The following RWDD1 variants were observed in gnomAD, a reference collection of about 807,000 sequenced individuals.
The protein encoded by RWDD1 is RWD domain containing 1, also known as RWD domain-containing protein 1.
In RWDD1, 17 loss-of-function variants were observed where a neutral mutation model predicts 31.6. The observed-to-expected ratio is 0.54, with a 90% confidence interval of 0.37 to 0.81. RWDD1 has a LOEUF of 0.81. Ranked by LOEUF, RWDD1 falls within the 30% of genes least tolerant of loss-of-function variation. RWDD1 has a pLI of 0.00. For synonymous variants in RWDD1, 78 were observed against 94.2 expected (o/e 0.83, Z 0.99); for missense variants, 204 against 274.5 (o/e 0.74, Z 1.82).
At chr6:116,581,348 GA>G (rs1212013761) in intron 2 of RWDD1, among the ~76,000 whole-genome samples, 1 of 152,030 alleles carries the variant, frequency 6.6e-6, no homozygotes, top group Non-Finnish European at 1.5e-5. Context: ...ATGGTGTGGT[GA>G]TGCTCATTGA....
intron 1 of RWDD1, 55 bp downstream of exon 1, chr6:116,571,710 GGAGCTGC>G: frequency 6.5e-7 from 1 of 1,537,838 alleles, no homozygotes; most frequent in African/African-American, 1.4e-5. Flanking sequence ...AGGACGGGCA[GGAGCTGC>G]CGCAGCTCTG....
intron 6 of RWDD1, among the ~76,000 whole-genome samples, chr6:116,592,654 G>A (rs1271546155): frequency 6.6e-6 from 1 of 152,138 alleles, no homozygotes; most frequent in African/African-American, 2.4e-5. Flanking sequence ...CAGGTCCCAT[G>A]ATCAGTGATA....
At chr6:116,577,608 C>T (rs1774872443) in intron 1 of RWDD1, among the ~76,000 whole-genome samples, 1 of 151,938 alleles carries the variant, frequency 6.6e-6, no homozygotes, top group Non-Finnish European at 1.5e-5. Flanking sequence ...ATCACATTCT[C>T]AGCCTGCAGC....
At chr6:116,585,047 G>T (rs550497221) in intron 3 of RWDD1, among the ~76,000 whole-genome samples, 190 bp downstream of exon 3, 4 of 152,088 alleles carry the variant, frequency 2.6e-5, no homozygotes, top group African/African-American at 7.2e-5. Context: ...AATAGAATTT[G>T]TCCCAGTGCC....
intron 3 of RWDD1, 43 bp from the exon 4 acceptor site, chr6:116,588,799 T>C (rs190471747): frequency 1.5e-5 from 22 of 1,442,178 alleles, no homozygotes; most frequent in Middle Eastern, 2.5e-4. Context: ...TGGACTTTTA[T>C]TTTTCTGAGA....
intron 2 of RWDD1, 46 bp from the exon 3 acceptor site, chr6:116,584,681 C>T: frequency 1.9e-6 from 3 of 1,561,790 alleles, no homozygotes; most frequent in Non-Finnish European, 2.6e-6. Context: ...ATATCTACCT[C>T]TTTACTTTTA....
At chr6:116,571,710 G>C in intron 1 of RWDD1, 55 bp downstream of exon 1, 2 of 1,537,838 alleles carry the variant, frequency 1.3e-6, no homozygotes, top group Admixed American at 1.8e-5. Context: ...AGGACGGGCA[G>C]GAGCTGCCGC....
intron 1 of RWDD1, chr6:116,574,202 A>T (rs1455409181): frequency 1.3e-5 from 2 of 155,522 alleles, no homozygotes; most frequent in African/African-American, 2.4e-5. Flanking sequence ...CAATTTATGT[A>T]TTGAAATCTC....
chr6:116,590,884 T>G lies in RWDD1; in HGVS notation c.548-4T>G, dbSNP rs1290395107. 1 of 1,565,068 alleles carries G rather than the reference T, an allele frequency of 6.4e-7. No homozygotes were observed. Among genetic ancestry groups the G allele is most frequent in the South Asian group, 1.2e-5 (1 of 82,084 alleles). On this transcript the variant is annotated splice_region_variant and splice_polypyrimidine_tract_variant and intron_variant, in intron 5 of 6. Transcript: ENST00000466444. ...AATTAAACATACTTTTTTTTTTTTTTTAGGGAAACAACTATTTGAAACAGA... is the reference window on the plus strand; with the variant it reads ...AATTAAACATACTTTTTTTTTTTTTGTAGGGAAACAACTATTTGAAACAGA...
chr6:116,578,914 C>T (rs927062038), intron 1 of RWDD1, among the ~76,000 whole-genome samples: 3 of 151,972 alleles, frequency 2.0e-5, no homozygotes, highest in Non-Finnish European at 4.4e-5. Context: ...CCTGCTCTGT[C>T]GTCCAGGCTG....
In RWDD1 at chr6:116,596,390, T is replaced by C. The variant is rs1035094037; in HGVS notation, c.*3289T>C. The C allele has an allele frequency of 2.0e-5, 3 of 152,340 alleles. No individual in the cohort carries two copies. Among genetic ancestry groups the C allele is most frequent in the South Asian group, 2.1e-4 (1 of 4,834 alleles). The allele number at this position is 152,340 out of a possible 1,614,324, so 9.4% of individuals were successfully genotyped here. On this transcript the variant is annotated 3_prime_UTR_variant, in exon 7 of 7. Coordinates refer to ENST00000466444, the MANE Select transcript of RWDD1 (RefSeq NM_015952.4). ...GAAAGAATGCTGCCAGAAAAGTATATTGTTAAATTTTCAGGCCTCCATTGG... is the reference window on the plus strand; with the variant it reads ...GAAAGAATGCTGCCAGAAAAGTATACTGTTAAATTTTCAGGCCTCCATTGG...
chr6:116,588,681 G>A (rs992179716), intron 3 of RWDD1, among the ~76,000 whole-genome samples, 161 bp from the exon 4 acceptor site: 2 of 151,854 alleles, frequency 1.3e-5, no homozygotes, highest in African/African-American at 2.4e-5. Flanking sequence ...ACATTTACAC[G>A]ACTTTTTAAA....
chr6:116,576,820 A>G (rs1010183973), intron 1 of RWDD1, among the ~76,000 whole-genome samples: 1 of 152,226 alleles, frequency 6.6e-6, no homozygotes, highest in Admixed American at 6.5e-5. Flanking sequence ...AGGGATCAGA[A>G]TATGTTCAAA....
intron 2 of RWDD1, among the ~76,000 whole-genome samples, chr6:116,583,621 T>TCAAAA (rs1774986450): frequency 6.6e-6 from 1 of 152,072 alleles, no homozygotes; most frequent in South Asian, 2.1e-4. Flanking sequence ...TATATGTATA[T>TCAAAA]CAAAACATCA....
rs1775215263 is a variant in RWDD1, at chr6:116,594,782, T to C, written c.*1681T>C. ...CTTAACCCCAATAGGAAATCAGTTG[T>C]GCTATTTTAAATTCATAAAGCTATT... On this transcript the variant is annotated 3_prime_UTR_variant, in exon 7 of 7. Transcript: ENST00000466444. The C allele has an allele frequency of 6.6e-6, 1 of 152,340 alleles. No individual in the cohort carries two copies. The highest frequency in any genetic ancestry group is 2.4e-5 in the African/African-American group (1 of 41,572). 9.4% of individuals were successfully genotyped at this position (152,340 alleles called of 1,614,324 possible). A position where few individuals can be genotyped will look rare whatever the true frequency, so the allele number is the denominator to read the frequency against.
Position 116,584,779 on chromosome 6 carries a change from T to G in RWDD1, c.192T>G (p.Ala64=), listed in dbSNP as rs756663419. The G allele has an allele frequency of 5.6e-6, 9 of 1,606,232 alleles. No individual in the cohort carries two copies. In the Admixed American group the frequency reaches 1.5e-4, roughly 27 times the overall value. ...ACAGTGAAAAATACCCAGATGAAGC[T>G]CCCCTTTATGAAATATTCTCCCAGG... ...FTYSEKYPDE[A]PLYEIFSQEN... is the part of the protein sequence containing the mutation. Residue 64 remains alanine, a synonymous_variant, in exon 3 of 7, where the codon GCT becomes GCG. Transcript: ENST00000466444.
chr6:116,584,972 A>G, intron 3 of RWDD1, 115 bp downstream of exon 3: 1 of 799,160 alleles, frequency 1.3e-6, no homozygotes, highest in East Asian at 2.7e-5. Context: ...ACCAAGTGGA[A>G]TTCATGTTAC....
At chr6:116,580,936 T>A (rs1384521518) in intron 2 of RWDD1, among the ~76,000 whole-genome samples, 1 of 152,138 alleles carries the variant, frequency 6.6e-6, no homozygotes, top group East Asian at 1.9e-4. Flanking sequence ...TTAGTTGATA[T>A]GGTAATTTGA....
At chr6:116,578,075 T>A (rs1161236530) in intron 1 of RWDD1, among the ~76,000 whole-genome samples, 3 of 152,234 alleles carry the variant, frequency 2.0e-5, no homozygotes, top group African/African-American at 7.2e-5. Flanking sequence ...GAAATATGTT[T>A]TCTTTTTAAA....
Sources: allele counts gnomAD v4.1 joint callset (sites outside exome capture counted in the v4.1 genomes callset), GRCh38; gene constraint gnomAD v4.1.1; transcripts MANE v1.5; gene names NCBI Gene and HGNC (gene_info 2026-07-23, HGNC 2026-07-21).